Variants in LRBA observed in about 807,000 individuals in gnomAD.
LRBA encodes the protein lipopolysaccharide-responsive and beige-like anchor protein.
LRBA carries 176 observed loss-of-function variants against 330.0 expected under a neutral mutation model. That is an observed-to-expected ratio of 0.53 (90% CI 0.47 to 0.60). LRBA has a LOEUF of 0.60. LRBA is among the 20% of genes least tolerant of loss of function. The probability of loss-of-function intolerance (pLI) is 0.00; values close to 1 mark genes in which losing one functional copy is unlikely to be tolerated. For synonymous variants in LRBA, 1,230 were observed against 1,193.0 expected, an observed-to-expected ratio of 1.03 and a Z score of -0.64; for missense variants, 3,259 against 3,444.8, an observed-to-expected ratio of 0.95 and a Z score of 1.35.
intron 47 of LRBA, among the ~76,000 whole-genome samples, chr4:150,373,129 G>T (rs1465254464): frequency 5.3e-5 from 1 of 18,982 alleles, no homozygotes. Context: ...AATCTCGTGT[G>T]TGTGTGTGTG....
intron 44 of LRBA, among the ~76,000 whole-genome samples, chr4:150,463,712 T>A (rs1755069770): frequency 6.6e-6 from 1 of 152,048 alleles, no homozygotes; most frequent in African/African-American, 2.4e-5. Context: ...ACAGCTGTAA[T>A]ATACAAATAA....
intron 2 of LRBA, among the ~76,000 whole-genome samples, chr4:151,005,148 A>T (rs1421867643): frequency 6.6e-6 from 1 of 151,454 alleles, no homozygotes; most frequent in African/African-American, 2.4e-5. Context: ...ATCCAAGATT[A>T]TAAAACACCC....
intron 2 of LRBA, among the ~76,000 whole-genome samples, chr4:151,009,505 C>A (rs895875631): frequency 6.7e-6 from 1 of 148,348 alleles, no homozygotes; most frequent in Admixed American, 6.7e-5. Flanking sequence ...GCCAAGATCG[C>A]GCCACTGCAC....
chr4:150,435,933 A>G (rs1751051976), intron 45 of LRBA, among the ~76,000 whole-genome samples: 1 of 152,136 alleles, frequency 6.6e-6, no homozygotes, highest in Non-Finnish European at 1.5e-5. Context: ...TATTTGCAAC[A>G]TTTTCTTCAG....
At chr4:150,846,153 A>G (rs1397253849) in intron 26 of LRBA, among the ~76,000 whole-genome samples, 1 of 152,358 alleles carries the variant, frequency 6.6e-6, no homozygotes, top group East Asian at 1.9e-4. Context: ...AGTCAGACAC[A>G]GAGAGACAAA....
chr4:150,493,143 G>A (rs538798103), intron 40 of LRBA, among the ~76,000 whole-genome samples: 1 of 152,108 alleles, frequency 6.6e-6, no homozygotes, highest in South Asian at 2.1e-4. Context: ...ACCACATCTA[G>A]CTAACTTTTA....
At chr4:150,565,022 C>G (rs1407120565) in intron 40 of LRBA, among the ~76,000 whole-genome samples, 1 of 151,814 alleles carries the variant, frequency 6.6e-6, no homozygotes, top group Non-Finnish European at 1.5e-5. Flanking sequence ...AATCCCGTTA[C>G]TGGATAAATC....
Position 150,931,324 on chromosome 4 carries a change from A to G in LRBA, c.217-2259T>C, listed in dbSNP as rs75421395. ...GATTTAAAAAAAGGCATGTATATGA[A>G]TAAGGTGCTTATTATTAATAATGCT... On this transcript the variant is annotated intron_variant, in intron 2 of 56. Transcript: ENST00000651943. Among the ~76,000 whole-genome samples the G allele has an allele frequency of 4.2e-3, 638 of 151,904 alleles. 1 individual carries two copies. Among genetic ancestry groups the G allele is most frequent in the African/African-American group, 0.014 (597 of 41,522 alleles).
In LRBA at chr4:150,583,281, C is replaced by A. The variant is rs931315948; in HGVS notation, c.6330+4767G>T. 60 of 1,614,198 alleles carry A rather than the reference C, an allele frequency of 3.7e-5. 1 individual carries two copies. The highest frequency in any genetic ancestry group is 5.0e-5 in the Non-Finnish European group (59 of 1,180,038). ...TGGTGCTCTACCTAAACCAGATGGG[C>A]GTCTTCAACTTCGTGGACGACGGCT... On this transcript the variant is annotated intron_variant, in intron 40 of 56. Transcript: ENST00000651943. This position sits in a 1 kb window ranked among gnomAD's most constrained non-coding sequence, Gnocchi z 9.8.
At chr4:150,767,627 G>A (rs934611356) in intron 34 of LRBA, among the ~76,000 whole-genome samples, 4 of 151,306 alleles carry the variant, frequency 2.6e-5, no homozygotes, top group Non-Finnish European at 4.4e-5. Context: ...GCATGGTGGC[G>A]GGTGCCTGTA....
intron 11 of LRBA, among the ~76,000 whole-genome samples, chr4:150,907,766 C>T (rs1336701715): frequency 6.6e-6 from 1 of 152,098 alleles, no homozygotes; most frequent in East Asian, 1.9e-4. Flanking sequence ...CATTTTATGA[C>T]TTACCCTATA....
At chr4:150,631,739 T>C (rs1479241833) in intron 37 of LRBA, among the ~76,000 whole-genome samples, 3 of 152,156 alleles carry the variant, frequency 2.0e-5, no homozygotes, top group African/African-American at 7.2e-5. Context: ...TAGATTCCAA[T>C]ACTGATGCCA....
intron 40 of LRBA, among the ~76,000 whole-genome samples, chr4:150,563,763 A>T (rs1176844953): frequency 6.6e-6 from 1 of 152,190 alleles, no homozygotes; most frequent in Non-Finnish European, 1.5e-5. Flanking sequence ...GAGCCAAATC[A>T]TGAGAGAACT....
intron 40 of LRBA, among the ~76,000 whole-genome samples, chr4:150,564,122 C>T (rs1768795165): frequency 6.6e-6 from 1 of 152,104 alleles, no homozygotes. Flanking sequence ...ATCATGCTAC[C>T]TGACTTCAAA....
intron 2 of LRBA, among the ~76,000 whole-genome samples, chr4:150,964,585 G>T (rs1324815680): frequency 6.6e-6 from 1 of 151,356 alleles, no homozygotes; most frequent in Admixed American, 6.6e-5. Flanking sequence ...GATTAAGGGC[G>T]GTGCAAGATG....
At chr4:150,777,536 T>C (rs921480434) in intron 34 of LRBA, among the ~76,000 whole-genome samples, 1 of 152,118 alleles carries the variant, frequency 6.6e-6, no homozygotes. Flanking sequence ...ACGAAGCGAA[T>C]TGGATGGATG....
chr4:150,998,337 G>A (rs902370445), intron 2 of LRBA, among the ~76,000 whole-genome samples: 1 of 137,574 alleles, frequency 7.3e-6, no homozygotes, highest in African/African-American at 2.7e-5. Context: ...TGGGTAACGA[G>A]AACGAAACTC....
chr4:150,671,919 A>G (rs1782098408), intron 37 of LRBA, among the ~76,000 whole-genome samples: 1 of 152,220 alleles, frequency 6.6e-6, no homozygotes, highest in Admixed American at 6.5e-5. Flanking sequence ...TAGCAAGGCA[A>G]TATGAAGGAA....
At chr4:150,640,195 T>C (rs1778537944) in intron 37 of LRBA, among the ~76,000 whole-genome samples, 1 of 151,992 alleles carries the variant, frequency 6.6e-6, no homozygotes, top group African/African-American at 2.4e-5. Context: ...AATCATTGTG[T>C]AAAGTAAGGT....
Sources: allele counts gnomAD v4.1 joint callset (sites outside exome capture counted in the v4.1 genomes callset), GRCh38; gene constraint gnomAD v4.1.1; non-coding constraint Gnocchi (gnomAD v3.1); transcripts MANE v1.5; gene names NCBI Gene and HGNC (gene_info 2026-07-23, HGNC 2026-07-21).